ART3: variants seen among roughly 807,000 people sequenced by gnomAD.
ART3 encodes ecto-ADP-ribosyltransferase 3.
In ART3, 49 loss-of-function variants were observed where a neutral mutation model predicts 48.5. That is an observed-to-expected ratio of 1.01 (90% CI 0.80 to 1.28). ART3 has a LOEUF of 1.28. Ranked by LOEUF, ART3 falls within the 50% of genes most tolerant of loss-of-function variation. The pLI is 0.00. For synonymous variants in ART3, 145 were observed against 157.2 expected, an observed-to-expected ratio of 0.92 and a Z score of 0.58; for missense variants, 438 against 454.3, an observed-to-expected ratio of 0.96 and a Z score of 0.33.
chr4:76,092,893 A>G (rs1725214357), intron 3 of ART3, among the ~76,000 whole-genome samples: 1 of 152,202 alleles, frequency 6.6e-6, no homozygotes, highest in African/African-American at 2.4e-5. Context: ...CATTGCTGCC[A>G]TAACAAATTA....
intron 1 of ART3, among the ~76,000 whole-genome samples, chr4:76,067,921 A>G (rs954029233): frequency 6.6e-6 from 1 of 152,110 alleles, no homozygotes; most frequent in Non-Finnish European, 1.5e-5. Flanking sequence ...TGCACTCACC[A>G]CTGTAATGTT....
chr4:76,075,521 T>C (rs539225526), intron 1 of ART3, among the ~76,000 whole-genome samples: 1 of 152,302 alleles, frequency 6.6e-6, no homozygotes, highest in Non-Finnish European at 1.5e-5. Flanking sequence ...AGTCTGATTG[T>C]GTTATTTCCT....
intron 2 of ART3, among the ~76,000 whole-genome samples, chr4:76,081,022 T>G (rs991582906): frequency 1.3e-5 from 2 of 152,352 alleles, no homozygotes; most frequent in East Asian, 3.9e-4. Context: ...TTCAGTTGTA[T>G]GTGACTGAAA....
chr4:76,079,176 TAAA>T (rs35036561), intron 2 of ART3, among the ~76,000 whole-genome samples: 3 of 130,872 alleles, frequency 2.3e-5, no homozygotes, highest in African/African-American at 5.9e-5. Flanking sequence ...TCATCTTTGT[TAAA>T]AAAAAAAAAA....
Position 76,101,028 on chromosome 4 carries a change from T to G in ART3, c.937+9T>G. The G allele has an allele frequency of 6.2e-7, 1 of 1,612,808 alleles. No homozygotes were observed. The highest frequency in any genetic ancestry group is 2.2e-5 in the East Asian group (1 of 44,788). On this transcript the variant is annotated intron_variant, in intron 8 of 11. Coordinates refer to ENST00000355810, the MANE Select transcript of ART3 (RefSeq NM_001130016.3). Reference sequence around the variant, plus strand: ...GAAGCTTGAAGACCATGGTAAGACATTTATGTAAATTCTGGGGGCTTACAT... The same window carrying G: ...GAAGCTTGAAGACCATGGTAAGACAGTTATGTAAATTCTGGGGGCTTACAT...
intron 3 of ART3, among the ~76,000 whole-genome samples, chr4:76,094,140 C>T (rs1025326221): frequency 3.3e-5 from 5 of 152,152 alleles, no homozygotes; most frequent in Admixed American, 2.6e-4. Flanking sequence ...AGAAATTGAA[C>T]CTGCCATTAC....
intron 1 of ART3, among the ~76,000 whole-genome samples, chr4:76,042,815 A>G (rs1735098407): frequency 6.6e-6 from 1 of 152,090 alleles, no homozygotes; most frequent in African/African-American, 2.4e-5. Context: ...CAAAGCTTCC[A>G]CAGTGTGGAA....
chr4:76,109,239 T>TA (rs1214682976), intron 11 of ART3, among the ~76,000 whole-genome samples: 1 of 132,708 alleles, frequency 7.5e-6, no homozygotes, highest in African/African-American at 2.8e-5. Flanking sequence ...AAAGCTTTTT[T>TA]ATCACCTTTT....
At chr4:76,090,755 T>C (rs1724700624) in intron 3 of ART3, among the ~76,000 whole-genome samples, 1 of 152,240 alleles carries the variant, frequency 6.6e-6, no homozygotes, top group Non-Finnish European at 1.5e-5. Flanking sequence ...TGAGTTATAA[T>C]TGATATGCAA....
Position 76,105,188 on chromosome 4 carries a change from G to A in ART3, c.1003+559G>A, listed in dbSNP as rs144520798. Among the ~76,000 whole-genome samples, 378 of 152,178 alleles carry A rather than the reference G, an allele frequency of 2.5e-3. 1 individual carries two copies. The highest frequency in any genetic ancestry group is 8.8e-3 in the African/African-American group (364 of 41,516). Reference sequence around the variant, plus strand: ...TTGTGCGTCTACATCTCTTCAGCTCGCTAGTCCTGAGTTTGCACAGTGCCA... The same window carrying A: ...TTGTGCGTCTACATCTCTTCAGCTCACTAGTCCTGAGTTTGCACAGTGCCA... On this transcript the variant is annotated intron_variant, in intron 10 of 11. Transcript: ENST00000355810.
intron 1 of ART3, among the ~76,000 whole-genome samples, chr4:76,030,014 A>G (rs937287774): frequency 2.6e-5 from 4 of 152,186 alleles, no homozygotes; most frequent in Admixed American, 6.5e-5. Context: ...CTTTAAATTC[A>G]GACTCAAATC....
At chr4:76,011,695 G>A (rs1235557327) in intron 1 of ART3, among the ~76,000 whole-genome samples, 1 of 152,196 alleles carries the variant, frequency 6.6e-6, no homozygotes, top group Non-Finnish European at 1.5e-5. Flanking sequence ...GGCTTCTCTC[G>A]CCTGACCCTA....
Position 76,112,528 on chromosome 4 carries a change from ATTGT to A in ART3, c.*12_*15del, listed in dbSNP as rs765136270. On this transcript the variant is annotated 3_prime_UTR_variant, in exon 12 of 12. Coordinates refer to ENST00000355810, the MANE Select transcript of ART3 (RefSeq NM_001130016.3). Reference sequence around the variant, plus strand: ...TCTTTGTTGCTCTGTAGTTTGATGCATTGTTTATCTTTCTTATTCTTTACTTGAA... The same window carrying A: ...TCTTTGTTGCTCTGTAGTTTGATGCATTATCTTTCTTATTCTTTACTTGAA... 65 of 1,607,852 alleles carry A rather than the reference ATTGT, an allele frequency of 4.0e-5. No homozygotes were observed. The highest frequency in any genetic ancestry group is 5.4e-5 in the Non-Finnish European group (63 of 1,176,758).
At position 76,016,225 on chromosome 4, in the gene ART3, A is replaced by G. The variant is rs923277035; in HGVS notation, c.-10+4905A>G. Among the ~76,000 whole-genome samples, 8 of 152,196 alleles carry G rather than the reference A, an allele frequency of 5.3e-5. No individual in the cohort carries two copies. The East Asian group carries it at 5.8e-4, about 11-fold the overall frequency. ...TCCACTGAAAAGTTTGCTGCTAGAC[A>G]TATTTCCAGATATTTGAAGATATTT... On this transcript the variant is annotated intron_variant, in intron 1 of 9. Coordinates refer to the ART3 transcript ENST00000341029.
At chr4:76,076,557 T>C (rs1721123795) in intron 2 of ART3, among the ~76,000 whole-genome samples, 1 of 152,244 alleles carries the variant, frequency 6.6e-6, no homozygotes, top group Non-Finnish European at 1.5e-5. Flanking sequence ...CTTTTTTCTA[T>C]GTGTATACTG....
chr4:76,018,869 T>A, intron 1 of ART3, among the ~76,000 whole-genome samples: 1 of 151,806 alleles, frequency 6.6e-6, no homozygotes, highest in Middle Eastern at 3.2e-3. Context: ...ATTTGTATTA[T>A]CTACCAAAAA....
chr4:76,104,556 G>A, intron 9 of ART3, 41 bp from the exon 10 acceptor site: 11 of 1,551,406 alleles, frequency 7.1e-6, no homozygotes, highest in Non-Finnish European at 9.6e-6. Flanking sequence ...TATACTCAGT[G>A]GAGCAAACTG....
chr4:76,112,294 G>T, intron 11 of ART3, 92 bp from the exon 12 acceptor site: 1 of 1,443,136 alleles, frequency 6.9e-7, no homozygotes. Context: ...CAACTTTAGT[G>T]TCATTGTTTA....
intron 11 of ART3, among the ~76,000 whole-genome samples, chr4:76,110,434 G>A (rs1401597757): frequency 6.6e-6 from 1 of 152,000 alleles, no homozygotes; most frequent in East Asian, 1.9e-4. Context: ...GTATCCTCAG[G>A]GGTTCTAGAA....
Sources: allele counts gnomAD v4.1 joint callset (sites outside exome capture counted in the v4.1 genomes callset), GRCh38; gene constraint gnomAD v4.1.1; transcripts MANE v1.5; gene names NCBI Gene and HGNC (gene_info 2026-07-23, HGNC 2026-07-21).